The following ITPR2 variants were observed in gnomAD, a reference collection of about 807,000 sequenced individuals.
The protein encoded by ITPR2 is inositol 1,4,5-trisphosphate receptor type 2.
In ITPR2, 207 loss-of-function variants were observed where a neutral mutation model predicts 317.1. That is an observed-to-expected ratio of 0.65 (90% CI 0.58 to 0.73). The LOEUF is 0.73. Ranked by LOEUF, ITPR2 falls within the 30% of genes least tolerant of loss-of-function variation. The pLI is 0.00. For missense variants in ITPR2, 2,613 were observed against 3,284.0 expected (o/e 0.80, Z 4.99); for synonymous variants, 1,156 against 1,149.1 (o/e 1.01, Z -0.12).
chr12:26,409,590 C>T (rs968516597), intron 52 of ITPR2, among the ~76,000 whole-genome samples: 1 of 150,360 alleles, frequency 6.7e-6, no homozygotes, highest in Non-Finnish European at 1.5e-5. Context: ...GTTTCCATCA[C>T]ATGTTTTTCT....
At chr12:26,614,457 A>G (rs1425747561) in intron 26 of ITPR2, among the ~76,000 whole-genome samples, 3 of 152,194 alleles carry the variant, frequency 2.0e-5, no homozygotes, top group African/African-American at 7.2e-5. Context: ...AAGCAGGAAA[A>G]CATACCCTAT....
chr12:26,716,003 C>T, intron 6 of ITPR2, 141 bp downstream of exon 6: 1 of 706,060 alleles, frequency 1.4e-6, no homozygotes, highest in South Asian at 1.8e-5. Flanking sequence ...TAACTAATCA[C>T]AGCTATATGT....
chr12:26,589,837 T>C (rs112520232), intron 32 of ITPR2, among the ~76,000 whole-genome samples: 2 of 13,260 alleles, frequency 1.5e-4, no homozygotes, highest in African/African-American at 4.5e-4. Flanking sequence ...AATAAACATA[T>C]ATATATATAT....
intron 45 of ITPR2, among the ~76,000 whole-genome samples, chr12:26,457,609 T>G (rs927993416): frequency 2.6e-5 from 4 of 152,122 alleles, no homozygotes; most frequent in Non-Finnish European, 5.9e-5. Flanking sequence ...TGAAAGATGG[T>G]GCTGGTTTGG....
At chr12:26,787,334 A>G (rs917815175) in intron 2 of ITPR2, among the ~76,000 whole-genome samples, 1 of 152,248 alleles carries the variant, frequency 6.6e-6, no homozygotes, top group African/African-American at 2.4e-5. Context: ...AAATGAGAGT[A>G]AACCAGCAAG....
At chr12:26,489,598 T>C (rs997417903) in intron 39 of ITPR2, among the ~76,000 whole-genome samples, 29 of 152,314 alleles carry the variant, frequency 1.9e-4, no homozygotes, top group East Asian at 9.6e-4. Flanking sequence ...AGTTAATACA[T>C]ACAAATCACA....
intron 31 of ITPR2, among the ~76,000 whole-genome samples, chr12:26,595,971 C>G (rs527304054): frequency 1.4e-4 from 22 of 152,272 alleles, no homozygotes; most frequent in African/African-American, 5.1e-4. Context: ...AAGACATTAT[C>G]GCAATGTACA....
chr12:26,582,639 T>C (rs1306210151), intron 32 of ITPR2, among the ~76,000 whole-genome samples: 1 of 152,192 alleles, frequency 6.6e-6, no homozygotes, highest in Non-Finnish European at 1.5e-5. Flanking sequence ...TTTGCTATTA[T>C]AAAGAATTGT....
chr12:26,534,918 C>A (rs1944046260), intron 37 of ITPR2, among the ~76,000 whole-genome samples: 1 of 152,102 alleles, frequency 6.6e-6, no homozygotes. Flanking sequence ...ATTTTTCATT[C>A]TTAAGGTTAA....
intron 55 of ITPR2, among the ~76,000 whole-genome samples, chr12:26,357,533 T>C (rs139659123): frequency 1.4e-3 from 209 of 152,378 alleles, no homozygotes; most frequent in African/African-American, 4.8e-3. Context: ...TTAGTGTTTT[T>C]CTGACTTCTG....
In ITPR2 at chr12:26,697,190, C is replaced by T. The variant is rs909090150; in HGVS notation, c.952-1540G>A. Among the ~76,000 whole-genome samples, 4 of 152,108 alleles carry T rather than the reference C, an allele frequency of 2.6e-5. 1 individual carries two copies. In the East Asian group the frequency reaches 7.7e-4, roughly 29 times the overall value. On this transcript the variant is annotated intron_variant, in intron 9 of 56. Coordinates refer to ENST00000381340, the MANE Select transcript of ITPR2 (RefSeq NM_002223.4). ...CCCATCAGCCAGCCCTGCAGCTGAA[C>T]ATTTAGAAAGAGGACTGAATTTTCA...
At chr12:26,595,731 A>C in intron 31 of ITPR2, 141 bp from the exon 32 acceptor site, 2 of 710,902 alleles carry the variant, frequency 2.8e-6, no homozygotes. Context: ...AAGTATTCTC[A>C]TTTCTCTTCT....
rs545840657 is a variant in ITPR2 at position 26,495,435 on chromosome 12, A to G, written c.5074-175T>C. On this transcript the variant is annotated intron_variant, in intron 37 of 56. Transcript: ENST00000381340. ...ATTTACAAATGCATCCCAATAAAAT[A>G]ATCATTTTGCTTCTCATAATAAATA... The G allele has an allele frequency of 8.5e-3, 4,560 of 535,560 alleles. 54 individuals are homozygous for G. The highest frequency in any genetic ancestry group is 0.027 in the South Asian group (1,115 of 40,848). The allele number at this position is 535,560 out of a possible 1,614,324, so 33.2% of individuals were successfully genotyped here. A position where few individuals can be genotyped will look rare whatever the true frequency, so the allele number is the denominator to read the frequency against.
At chr12:26,665,816 T>C in intron 14 of ITPR2, 94 bp downstream of exon 14, 1 of 1,117,784 alleles carries the variant, frequency 8.9e-7, no homozygotes, top group Non-Finnish European at 1.3e-6. Flanking sequence ...TTGGGATCAT[T>C]TGCTTCATAG....
intron 9 of ITPR2, among the ~76,000 whole-genome samples, chr12:26,702,689 C>G (rs960331612): frequency 6.6e-6 from 1 of 152,152 alleles, no homozygotes; most frequent in African/African-American, 2.4e-5. Context: ...ATCTGCCCAC[C>G]TTGGCCTCCC....
chr12:26,546,677 A>C (rs536960840), intron 37 of ITPR2, among the ~76,000 whole-genome samples: 36 of 152,100 alleles, frequency 2.4e-4, no homozygotes, highest in African/African-American at 8.4e-4. Flanking sequence ...ACACTAACCA[A>C]AGCAGCACGG....
chr12:26,796,861 C>T (rs892301490), intron 1 of ITPR2, among the ~76,000 whole-genome samples: 1 of 152,050 alleles, frequency 6.6e-6, no homozygotes, highest in Non-Finnish European at 1.5e-5. Flanking sequence ...GAAACCACCC[C>T]CGTCTCTACT....
intron 1 of ITPR2, 102 bp from the exon 2 acceptor site, chr12:26,790,329 CCTTT>C: frequency 3.6e-6 from 3 of 841,412 alleles, no homozygotes; most frequent in South Asian, 3.0e-5. Flanking sequence ...AGTTTTAATA[CCTTT>C]CTTCACTAAG....
intron 10 of ITPR2, among the ~76,000 whole-genome samples, chr12:26,693,615 G>A (rs1948281170): frequency 1.3e-5 from 2 of 152,134 alleles, no homozygotes; most frequent in Admixed American, 6.5e-5. Context: ...TTGTTATACT[G>A]TATTGTTTTT....
Sources: gnomAD v4.1 joint callset for allele counts (sites outside exome capture counted in the v4.1 genomes callset) on GRCh38, gnomAD v4.1.1 for gene constraint, MANE v1.5 for transcripts, NCBI Gene and HGNC (gene_info 2026-07-23, HGNC 2026-07-21) for gene names.